Variants in TCF7L2 observed in about 807,000 individuals in gnomAD.
TCF7L2 encodes transcription factor 7 like 2, also known as transcription factor 7-like 2.
Under a neutral mutation model 77.9 loss-of-function variants are expected in TCF7L2, and 23 were observed. The observed-to-expected ratio is 0.30, with a 90% CI of 0.21 to 0.42. TCF7L2 has a LOEUF of 0.42. TCF7L2 is among the 10% of genes least tolerant of loss of function. The pLI is 1.00. For synonymous variants in TCF7L2, 413 were observed against 340.2 expected (o/e 1.21, Z -2.36); for missense variants, 654 against 793.1 (o/e 0.82, Z 2.11).
intron 8 of TCF7L2, among the ~76,000 whole-genome samples, chr10:113,147,910 G>C (rs2069833999): frequency 1.3e-5 from 2 of 152,122 alleles, no homozygotes; most frequent in African/African-American, 4.8e-5. Context: ...AGGGCCTCAA[G>C]GTGCGGGGAG....
chr10:113,136,298 G>T (rs1350740795), intron 5 of TCF7L2, among the ~76,000 whole-genome samples: 1 of 152,174 alleles, frequency 6.6e-6, no homozygotes. Flanking sequence ...TGCTTCAGGG[G>T]TAGCAGCTGG....
At chr10:112,967,279 A>G (rs1423905005) in intron 4 of TCF7L2, among the ~76,000 whole-genome samples, 1 of 152,178 alleles carries the variant, frequency 6.6e-6, no homozygotes, top group Non-Finnish European at 1.5e-5. Flanking sequence ...TAAATACTAG[A>G]TTTCAATAGA....
chr10:112,987,761 C>T (rs2041831745), intron 4 of TCF7L2: 1 of 157,896 alleles, frequency 6.3e-6, no homozygotes, highest in Admixed American at 6.1e-5. Flanking sequence ...CTGCTCCTGT[C>T]CCAGCAGCTG....
chr10:113,157,510 C>G (rs1045128844), intron 11 of TCF7L2, among the ~76,000 whole-genome samples: 9 of 152,242 alleles, frequency 5.9e-5, no homozygotes, highest in Non-Finnish European at 1.2e-4. Flanking sequence ...AGAGAAGCCT[C>G]TGCTAAAGCT....
rs537571208 is a variant in TCF7L2, at chr10:113,107,539, C to T, written c.553-33645C>T. ...CGGGTGGATCACGAGGTCAGGAAAT[C>T]GAGACCATCCTGGCTAACACAGTGA... On this transcript the variant is annotated intron_variant, in intron 5 of 13. Coordinates refer to ENST00000627217, the MANE Select transcript of TCF7L2 (RefSeq NM_001146274.2). Among the ~76,000 whole-genome samples, 4 of 151,568 alleles carry T rather than the reference C, an allele frequency of 2.6e-5. No homozygotes were observed. In the South Asian group the frequency reaches 6.3e-4, roughly 24 times the overall value.
At chr10:113,021,984 C>T (rs937847766) in intron 4 of TCF7L2, among the ~76,000 whole-genome samples, 20 of 152,198 alleles carry the variant, frequency 1.3e-4, no homozygotes, top group African/African-American at 3.4e-4. Context: ...TGACTGTCCA[C>T]GCCTTCTTTA....
In TCF7L2 at chr10:113,084,751, A is replaced by T. The variant is rs4918793; in HGVS notation, c.552+44625A>T. Among the ~76,000 whole-genome samples, 6,195 of 152,052 alleles carry T rather than the reference A, an allele frequency of 0.041. 803 individuals are homozygous for T. The East Asian group carries it at 0.47, about 12-fold the overall frequency. On this transcript the variant is annotated intron_variant, in intron 5 of 13. Coordinates refer to ENST00000627217, the MANE Select transcript of TCF7L2 (RefSeq NM_001146274.2). ...CTCTACCAAAAAAAATACAAACATT[A>T]GCCGGGAGTGGTGTTGTGCACCTGT...
In TCF7L2 at chr10:112,951,511, TA is replaced by T; in HGVS notation, c.287del (p.Lys96ArgfsTer12). On this transcript the variant is annotated frameshift_variant, in exon 3 of 14. Coordinates refer to ENST00000627217, the MANE Select transcript of TCF7L2 (RefSeq NM_001146274.2). LOFTEE classifies it high-confidence loss of function. The stretch of plus-strand genomic sequence containing the variant: ...CCAAGAGGCAAGATGGAGGGCTCTT[TA>T]AGGGGCCACCGTATCCCGGCTACCC... 2 of 1,429,192 alleles carry T rather than the reference TA, an allele frequency of 1.4e-6. No individual in the cohort carries two copies. Among genetic ancestry groups the T allele is most frequent in the African/African-American group, 1.5e-5 (1 of 66,564 alleles). 88.5% of individuals were successfully genotyped at this position (1,429,192 alleles called of 1,614,324 possible).
intron 5 of TCF7L2, among the ~76,000 whole-genome samples, chr10:113,071,998 G>A (rs978177158): frequency 3.3e-5 from 5 of 152,172 alleles, no homozygotes; most frequent in African/African-American, 9.6e-5. Flanking sequence ...TAAGGGAGGT[G>A]GAAGAGCTTT....
At chr10:112,970,957 A>G (rs561340453) in intron 4 of TCF7L2, among the ~76,000 whole-genome samples, 1 of 152,326 alleles carries the variant, frequency 6.6e-6, no homozygotes, top group African/African-American at 2.4e-5. Flanking sequence ...AGATCATTTC[A>G]CTAGAGTAGT....
intron 5 of TCF7L2, among the ~76,000 whole-genome samples, chr10:113,075,714 G>C (rs2058619836): frequency 6.6e-6 from 1 of 152,210 alleles, no homozygotes; most frequent in South Asian, 2.1e-4. Context: ...TTTGTTTGCT[G>C]TGGTGCAGCA....
chr10:112,955,704 G>A (rs1443576695), intron 3 of TCF7L2, among the ~76,000 whole-genome samples: 1 of 152,142 alleles, frequency 6.6e-6, no homozygotes, highest in African/African-American at 2.4e-5. Flanking sequence ...TTCATTTAGA[G>A]TCATTGCTGG....
At chr10:113,049,836 C>T (rs529434526) in intron 5 of TCF7L2, among the ~76,000 whole-genome samples, 1 of 152,152 alleles carries the variant, frequency 6.6e-6, no homozygotes, top group East Asian at 1.9e-4. Context: ...TAAGCCCAGG[C>T]ACTGGCCATG....
intron 4 of TCF7L2, among the ~76,000 whole-genome samples, chr10:113,037,063 C>T (rs1325030877): frequency 2.0e-5 from 3 of 152,152 alleles, no homozygotes; most frequent in African/African-American, 4.8e-5. Context: ...TTCCTCTAGG[C>T]TGTAATAGTA....
chr10:113,058,367 A>T (rs1403530618), intron 5 of TCF7L2, among the ~76,000 whole-genome samples: 2 of 152,144 alleles, frequency 1.3e-5, no homozygotes, highest in Non-Finnish European at 2.9e-5. Flanking sequence ...GGGAATCCTC[A>T]ATTCTAAACA....
chr10:113,046,518 G>T (rs1409128319), intron 5 of TCF7L2, among the ~76,000 whole-genome samples: 1 of 152,124 alleles, frequency 6.6e-6, no homozygotes, highest in Non-Finnish European at 1.5e-5. Context: ...ATGTTTTGCT[G>T]TTAAATTCTG....
At chr10:112,964,396 A>G (rs541249682) in intron 3 of TCF7L2, among the ~76,000 whole-genome samples, 160 bp from the exon 4 acceptor site, 1 of 152,346 alleles carries the variant, frequency 6.6e-6, no homozygotes, top group Non-Finnish European at 1.5e-5. Flanking sequence ...TGTTATGATC[A>G]TCTTATCCAT....
At chr10:113,081,325 G>C (rs2059297404) in intron 5 of TCF7L2, among the ~76,000 whole-genome samples, 1 of 152,184 alleles carries the variant, frequency 6.6e-6, no homozygotes, top group South Asian at 2.1e-4. Flanking sequence ...CTTCCCAAAG[G>C]CTGCTTGGGA....
chr10:113,079,867 A>C (rs1479203251), intron 5 of TCF7L2, among the ~76,000 whole-genome samples: 1 of 152,116 alleles, frequency 6.6e-6, no homozygotes, highest in Non-Finnish European at 1.5e-5. Context: ...CATGTTGGCC[A>C]GGCTGGTCTT....
Sources: allele counts gnomAD v4.1 joint callset (sites outside exome capture counted in the v4.1 genomes callset), GRCh38; gene constraint gnomAD v4.1.1; transcripts MANE v1.5; gene names NCBI Gene and HGNC (gene_info 2026-07-23, HGNC 2026-07-21).